Variants in UXS1 observed in about 807,000 individuals in gnomAD.
UXS1 encodes UDP-glucuronate decarboxylase 1, also known as UDP-glucuronic acid decarboxylase 1.
A neutral mutation model predicts 62.6 loss-of-function variants in UXS1; 33 were observed. The ratio of observed to expected loss-of-function variants is 0.53; its 90% CI spans 0.40 to 0.70. The LOEUF is 0.70. Among genes scored for constraint, UXS1 ranks in the 30% least tolerant of loss-of-function variants. The pLI is 0.00. For missense variants in UXS1, 434 were observed against 556.3 expected, an observed-to-expected ratio of 0.78 and a Z score of 2.21; for synonymous variants, 213 against 206.8, an observed-to-expected ratio of 1.03 and a Z score of -0.26.
intron 6 of UXS1, 71 bp downstream of exon 6, chr2:106,145,119 C>A: frequency 6.5e-7 from 1 of 1,529,596 alleles, no homozygotes; most frequent in Admixed American, 1.9e-5. Flanking sequence ...AGCTTACCCT[C>A]AGGAATCCCG....
chr2:106,172,298 A>G (rs1315022626), intron 1 of UXS1, among the ~76,000 whole-genome samples: 1 of 152,188 alleles, frequency 6.6e-6, no homozygotes, highest in Non-Finnish European at 1.5e-5. Context: ...TGGAGCAGCC[A>G]CCACTGGCTA....
At chr2:106,169,016 A>G (rs180755511) in intron 1 of UXS1, among the ~76,000 whole-genome samples, 27 of 152,276 alleles carry the variant, frequency 1.8e-4, no homozygotes, top group Admixed American at 6.5e-5. Context: ...AAAAGGAGGG[A>G]AGAGATTTTA....
intron 13 of UXS1, 25 bp from the exon 14 acceptor site, chr2:106,096,846 G>A: frequency 1.3e-6 from 2 of 1,556,704 alleles, no homozygotes; most frequent in South Asian, 2.4e-5. Context: ...GAAAAAAAAG[G>A]TAGGAGAGAA....
chr2:106,181,222 C>T (rs879530469), intron 1 of UXS1, among the ~76,000 whole-genome samples: 2 of 152,158 alleles, frequency 1.3e-5, no homozygotes, highest in Non-Finnish European at 2.9e-5. Context: ...GCACATCCCT[C>T]AGCAGCCCTG....
At chr2:106,160,552 G>C (rs1160763136) in intron 4 of UXS1, 3 of 152,380 alleles carry the variant, frequency 2.0e-5, no homozygotes, top group East Asian at 3.8e-4. Flanking sequence ...TCAGTGAGGA[G>C]CGGAGGCGCA....
intron 1 of UXS1, among the ~76,000 whole-genome samples, chr2:106,182,315 C>T (rs1447117904): frequency 6.6e-6 from 1 of 152,162 alleles, no homozygotes; most frequent in Admixed American, 6.5e-5. Context: ...ACATGCAGCC[C>T]GCGGGCAGTG....
At chr2:106,185,435 G>C (rs1684497738) in intron 1 of UXS1, among the ~76,000 whole-genome samples, 1 of 152,152 alleles carries the variant, frequency 6.6e-6, no homozygotes, top group Non-Finnish European at 1.5e-5. Flanking sequence ...CCACTCTCTA[G>C]ACACCAAGCA....
chr2:106,183,343 A>T (rs1022136105), intron 1 of UXS1: 3 of 152,210 alleles, frequency 2.0e-5, no homozygotes, highest in Non-Finnish European at 4.4e-5. Flanking sequence ...AAAATACTAT[A>T]AAAATATTCA....
chr2:106,181,376 T>G (rs372809638), intron 1 of UXS1, among the ~76,000 whole-genome samples: 1 of 152,034 alleles, frequency 6.6e-6, no homozygotes, highest in Non-Finnish European at 1.5e-5. Flanking sequence ...ACCGATTAGG[T>G]TTGAGAATAA....
chr2:106,123,124 C>A, intron 8 of UXS1, 33 bp from the exon 9 acceptor site: 22 of 1,612,240 alleles, frequency 1.4e-5, no homozygotes, highest in Non-Finnish European at 1.8e-5. Flanking sequence ...CTGTTTTCAT[C>A]TTTCCTTTTT....
At chr2:106,186,677 C>T (rs536619163) in intron 1 of UXS1, among the ~76,000 whole-genome samples, 11 of 152,156 alleles carry the variant, frequency 7.2e-5, no homozygotes, top group African/African-American at 2.6e-4. Context: ...AATTAGCTGG[C>T]TGTGGTGGCA....
At chr2:106,096,332 G>A (rs1677095835) in intron 14 of UXS1, among the ~76,000 whole-genome samples, 1 of 152,182 alleles carries the variant, frequency 6.6e-6, no homozygotes, top group African/African-American at 2.4e-5. Flanking sequence ...GAGTGTGTGT[G>A]AGTATACTTG....
At chr2:106,179,528 G>A (rs1684110476) in intron 1 of UXS1, 1 of 152,182 alleles carries the variant, frequency 6.6e-6, no homozygotes, top group Admixed American at 6.5e-5. Context: ...CATTACAGAG[G>A]AAATGGAAGA....
intron 1 of UXS1, among the ~76,000 whole-genome samples, chr2:106,188,431 C>T (rs1291696365): frequency 6.6e-6 from 1 of 152,172 alleles, no homozygotes; most frequent in Non-Finnish European, 1.5e-5. Context: ...GACAGGAAGT[C>T]TGATTTTCAA....
chr2:106,141,865 G>GT (rs11448932), intron 6 of UXS1, among the ~76,000 whole-genome samples: 101,054 of 145,248 alleles, frequency 0.7, 35,065 homozygotes, highest in South Asian at 0.76. Context: ...TAGCTTCAGT[G>GT]TTTTTTTTTT....
chr2:106,177,186 T>C (rs1386385269), intron 1 of UXS1, among the ~76,000 whole-genome samples: 1 of 95,222 alleles, frequency 1.1e-5, no homozygotes, highest in Non-Finnish European at 2.0e-5. Context: ...ACATGCATTT[T>C]TTTTTTCTTT....
At position 106,142,005 on chromosome 2, in the gene UXS1, C is replaced by T. The variant is rs551821065; in HGVS notation, c.472+3185G>A. On this transcript the variant is annotated intron_variant, in intron 6 of 14. Coordinates refer to ENST00000283148, the MANE Select transcript of UXS1 (RefSeq NM_001253875.2). The stretch of plus-strand genomic sequence containing the variant: ...CATGCCTCAGCCTCCTGAATAGCTG[C>T]GACCACAGACATGCACAAGCATGCC... Among the ~76,000 whole-genome samples the T allele has an allele frequency of 5.9e-5, 9 of 151,736 alleles. No individual in the cohort carries two copies. In the East Asian group the frequency reaches 1.2e-3, roughly 20 times the overall value.
intron 8 of UXS1, 32 bp downstream of exon 8, chr2:106,125,588 G>A (rs775815712): frequency 5.2e-6 from 8 of 1,540,618 alleles, no homozygotes; most frequent in Non-Finnish European, 7.0e-6. Flanking sequence ...AAGGGCTGGA[G>A]TGAACATCTC....
intron 14 of UXS1, among the ~76,000 whole-genome samples, chr2:106,095,782 A>C (rs1298838140): frequency 6.6e-6 from 1 of 152,170 alleles, no homozygotes; most frequent in African/African-American, 2.4e-5. Context: ...AGATGGGGCC[A>C]ACCCAGCCAA....
Sources: allele counts gnomAD v4.1 joint callset (sites outside exome capture counted in the v4.1 genomes callset), GRCh38; gene constraint gnomAD v4.1.1; transcripts MANE v1.5; gene names NCBI Gene and HGNC (gene_info 2026-07-23, HGNC 2026-07-21).